Variants in WDR19 observed in about 807,000 individuals in gnomAD.
WDR19 encodes WD repeat domain 19.
Under a neutral mutation model 180.0 loss-of-function variants are expected in WDR19, and 121 were observed. The observed-to-expected ratio is 0.67, with a 90% CI of 0.58 to 0.78. The LOEUF (loss-of-function observed/expected upper bound fraction) is 0.78, where lower values mean the gene tolerates loss of function less well. Ranked by LOEUF, WDR19 falls within the 30% of genes least tolerant of loss-of-function variation. WDR19 has a pLI of 0.00. For missense variants in WDR19, 1,450 were observed against 1,640.7 expected (o/e 0.88, Z 2.01); for synonymous variants, 497 against 540.7 (o/e 0.92, Z 1.12).
At position 39,224,923 on chromosome 4, in the gene WDR19, T is replaced by G; in HGVS notation, c.1519T>G (p.Phe507Val). Residue 507 changes from phenylalanine to valine, a missense_variant, in exon 15 of 37, where the codon TTC (phenylalanine) becomes GTC (valine). Phe to Val is a conservative substitution (Grantham distance 50). Transcript: ENST00000399820. ...VQYFYIEDWQ[F>V]VNDYRHPVSV... Reference sequence around the variant, plus strand: ...GTATTTCTACATTGAAGACTGGCAATTCGTTAATGATTATCGACATCCTGT... The same window carrying G: ...GTATTTCTACATTGAAGACTGGCAAGTCGTTAATGATTATCGACATCCTGT... 1 of 1,574,288 alleles carries G rather than the reference T, an allele frequency of 6.4e-7. No homozygotes were observed. Among genetic ancestry groups the G allele is most frequent in the Middle Eastern group, 1.7e-4 (1 of 5,890 alleles).
intron 9 of WDR19, among the ~76,000 whole-genome samples, chr4:39,211,204 CA>C (rs1344893477): frequency 4.0e-5 from 6 of 151,798 alleles, no homozygotes; most frequent in Admixed American, 3.9e-4. Context: ...AAAAAAAGAA[CA>C]ACTACAAAAA....
Position 39,268,089 on chromosome 4 carries a change from C to T in WDR19, c.3356C>T (p.Ala1119Val). Residue 1119 changes from alanine (A) to valine (V), a missense_variant and splice_region_variant, in exon 30 of 37, where the codon GCA (alanine) becomes GTA (valine). Ala to Val is a moderately conservative substitution (Grantham distance 64). Coordinates refer to ENST00000399820, the MANE Select transcript of WDR19 (RefSeq NM_025132.4). ...AIIIAREEQS[A>V]GNYRNAHDVL... is the part of the protein sequence containing the mutation. ...ATCATTGCCAGAGAAGAGCAGTCTG[C>T]AGGTAGGTCCGTGATACGTATGTGT... The T allele has an allele frequency of 6.3e-7, 1 of 1,579,566 alleles. No individual in the cohort carries two copies.
At chr4:39,257,749 T>TTC (rs1328191296) in intron 28 of WDR19, among the ~76,000 whole-genome samples, 195 bp downstream of exon 28, 1 of 152,052 alleles carries the variant, frequency 6.6e-6, no homozygotes, top group African/African-American at 2.4e-5. Context: ...CCGGTTTTTT[T>TTC]TTTAAGTAAA....
chr4:39,209,917 A>G (rs189515046), intron 9 of WDR19, among the ~76,000 whole-genome samples: 121 of 152,290 alleles, frequency 7.9e-4, no homozygotes, highest in African/African-American at 2.8e-3. Context: ...AAATTTGACA[A>G]CCTAGAAGAA....
At chr4:39,273,893 CACATT>C (rs1464940126) in intron 32 of WDR19, 2 of 152,166 alleles carry the variant, frequency 1.3e-5, no homozygotes, top group African/African-American at 4.8e-5. Context: ...TAAATACTGT[CACATT>C]ACATGACAGG....
At chr4:39,282,840 A>G (rs1157687789) in intron 36 of WDR19, among the ~76,000 whole-genome samples, 2 of 152,236 alleles carry the variant, frequency 1.3e-5, no homozygotes. Context: ...TAATTTTTAT[A>G]TATTGACCTT....
intron 5 of WDR19, 140 bp downstream of exon 5, chr4:39,194,799 AT>A: frequency 3.3e-6 from 2 of 606,462 alleles, no homozygotes; most frequent in Non-Finnish European, 2.9e-6. Context: ...CAAGTCTTAC[AT>A]TTAGCTAAAC....
rs763509092 is a variant in WDR19 at position 39,205,262 on chromosome 4, A to T, written c.712A>T (p.Asn238Tyr). 2.5e-6 allele frequency: 4 copies of T among 1,589,162 alleles called. No individual in the cohort carries two copies. The highest frequency in any genetic ancestry group is 3.4e-6 in the Non-Finnish European group (4 of 1,166,026). Residue 238 changes from asparagine (N) to tyrosine (Y), a missense_variant, in exon 8 of 37, where the codon AAT becomes TAT. By Grantham distance (143) the Asn-to-Tyr change is moderately radical. Transcript: ENST00000399820. ...QQDFGNIVCY[N>Y]WYGDGRIMIG... ...GGACTTTGGCAACATTGTCTGCTAT[A>T]ATTGGTATGTCTGCTATAACTGGTA...
rs2109250561 is a variant in WDR19, at chr4:39,189,679, A to G, written c.188A>G (p.Asp63Gly). The G allele has an allele frequency of 6.2e-7, 1 of 1,605,740 alleles. No individual in the cohort carries two copies. The highest frequency in any genetic ancestry group is 1.7e-5 in the Admixed American group (1 of 58,552). The change falls in exon 4 of 37, where the codon GAT (aspartate) becomes GGT (glycine). Residue 63 changes from aspartate (D) to glycine (G), a missense_variant. Transcript: ENST00000399820. ...AGTAACTGTGTTGCCATGGATTGGG[A>G]TAAAGATGGAGATGTCCTAGCAGTG... is the stretch of plus-strand genomic sequence containing the variant. The part of the protein sequence containing the change: ...LPGNCVAMDW[D>G]KDGDVLAVIA...
chr4:39,203,877 AGTT>A (rs1727626803), intron 7 of WDR19, 155 bp downstream of exon 7: 1 of 727,178 alleles, frequency 1.4e-6, no homozygotes, highest in East Asian at 2.7e-5. Context: ...AGTCCCTAAA[AGTT>A]GTTGTAATTG....
intron 15 of WDR19, among the ~76,000 whole-genome samples, chr4:39,226,305 A>G (rs1333561579): frequency 6.6e-6 from 1 of 152,122 alleles, no homozygotes; most frequent in African/African-American, 2.4e-5. Flanking sequence ...TTTCTTGATA[A>G]TTTCTGTTAA....
At chr4:39,242,735 C>G (rs917266129) in intron 21 of WDR19, among the ~76,000 whole-genome samples, 4 of 152,120 alleles carry the variant, frequency 2.6e-5, no homozygotes, top group Non-Finnish European at 5.9e-5. Flanking sequence ...TGGTGCGATC[C>G]TGGCTCACTG....
chr4:39,227,015 A>G (rs192335997), intron 15 of WDR19, among the ~76,000 whole-genome samples: 11 of 152,268 alleles, frequency 7.2e-5, no homozygotes, highest in Non-Finnish European at 1.0e-4. Context: ...GTGCAATGGT[A>G]TCTCAATATT....
chr4:39,261,727 G>GA (rs1734311466), intron 28 of WDR19, among the ~76,000 whole-genome samples: 1 of 152,194 alleles, frequency 6.6e-6, no homozygotes, highest in African/African-American at 2.4e-5. Context: ...ATGAATATTA[G>GA]ACAAAATTAT....
At chr4:39,247,897 C>T (rs538897682) in intron 24 of WDR19, among the ~76,000 whole-genome samples, 5 of 151,946 alleles carry the variant, frequency 3.3e-5, no homozygotes, top group Admixed American at 2.0e-4. Flanking sequence ...CTGAAAGTGA[C>T]GGGGAGAATG....
At position 39,245,701 on chromosome 4, in the gene WDR19, T is replaced by C. The variant is rs148684756; in HGVS notation, c.2729+249T>C. Among the ~76,000 whole-genome samples the C allele has an allele frequency of 1.9e-3, 294 of 152,320 alleles. 1 individual carries two copies. The highest frequency in any genetic ancestry group is 6.6e-3 in the African/African-American group (276 of 41,578). On this transcript the variant is annotated intron_variant, in intron 24 of 36. Coordinates refer to ENST00000399820, the MANE Select transcript of WDR19 (RefSeq NM_025132.4). ...TATTTGAGGGTTTTATAATGGAAGT[T>C]GAAATTTTGATATGGCATGAAAATA...
intron 34 of WDR19, 45 bp downstream of exon 34, chr4:39,277,188 G>A (rs754392178): frequency 6.5e-7 from 1 of 1,544,212 alleles, no homozygotes; most frequent in South Asian, 1.2e-5. Context: ...ATATATATTT[G>A]TAACCCATTT....
intron 33 of WDR19, among the ~76,000 whole-genome samples, chr4:39,276,678 G>T (rs1735929469): frequency 6.6e-6 from 1 of 152,136 alleles, no homozygotes; most frequent in South Asian, 2.1e-4. Context: ...TTACACAAAA[G>T]GGAGAGACAG....
chr4:39,244,420 G>A (rs1732288496), intron 22 of WDR19, 32 bp downstream of exon 22: 3 of 1,613,672 alleles, frequency 1.9e-6, no homozygotes, highest in South Asian at 1.1e-5. Context: ...TATACATGTG[G>A]TCTTTTATAC....
Sources: allele counts gnomAD v4.1 joint callset (sites outside exome capture counted in the v4.1 genomes callset), GRCh38; gene constraint gnomAD v4.1.1; transcripts MANE v1.5; gene names NCBI Gene and HGNC (gene_info 2026-07-23, HGNC 2026-07-21).